EDNRB: variants seen among roughly 807,000 people sequenced by gnomAD.
EDNRB encodes the protein Hirschsprung disease 2.
A neutral mutation model predicts 46.4 loss-of-function variants in EDNRB; 18 were observed. The ratio of observed to expected loss-of-function variants is 0.39; its 90% confidence interval spans 0.27 to 0.57. The LOEUF is 0.57. Among genes scored for constraint, EDNRB ranks in the 20% least tolerant of loss-of-function variants. The probability of loss-of-function intolerance (pLI) is 0.61; values close to 1 mark genes in which losing one functional copy is unlikely to be tolerated. For synonymous variants in EDNRB, 213 were observed against 204.9 expected (o/e 1.04, Z -0.34); for missense variants, 434 against 537.5 (o/e 0.81, Z 1.90).
chr13:77,949,526 AC>A (rs542067553), intron 1 of EDNRB, among the ~76,000 whole-genome samples: 6 of 152,208 alleles, frequency 3.9e-5, no homozygotes, highest in Admixed American at 3.9e-4. Context: ...TCTTCCAAAA[AC>A]TTTTACCCCA....
chr13:77,898,874 C>T (rs1384331999), intron 6 of EDNRB, among the ~76,000 whole-genome samples: 3 of 151,988 alleles, frequency 2.0e-5, no homozygotes, highest in Non-Finnish European at 2.9e-5. Context: ...TAAATATCTT[C>T]TCATGTCAAT....
Position 77,897,771 on chromosome 13 carries a change from G to A in EDNRB, c.*429C>T. On this transcript the variant is annotated 3_prime_UTR_variant, in exon 7 of 7. Transcript: ENST00000646607. ...TTAAAGGATTTTAAAATTTTAAATTGAGTAATTTAAGCTTCATTTAAAAGT... is the reference window on the plus strand; with the variant it reads ...TTAAAGGATTTTAAAATTTTAAATTAAGTAATTTAAGCTTCATTTAAAAGT... The A allele has an allele frequency of 1.0e-6, 1 of 983,244 alleles. No individual in the cohort carries two copies. Among genetic ancestry groups the A allele is most frequent in the Non-Finnish European group, 1.2e-6 (1 of 826,134 alleles). The allele number at this position is 983,244 out of a possible 1,614,324, so 60.9% of individuals were successfully genotyped here.
At position 77,900,063 on chromosome 13, in the gene EDNRB, A is replaced by C. The variant is rs1423667728; in HGVS notation, c.1086-96T>G. On this transcript the variant is annotated intron_variant, in intron 5 of 6. Coordinates refer to ENST00000646607, the MANE Select transcript of EDNRB (RefSeq NM_001122659.3). ...TGCTTTTGTAAGGAAAAAAAATGCC[A>C]ATATACAATGGTTCTAAATTTATCA... 3 of 969,302 alleles carry C rather than the reference A, an allele frequency of 3.1e-6. No homozygotes were observed. The African/African-American group carries it at 4.8e-5, about 16-fold the overall frequency. The allele number at this position is 969,302 out of a possible 1,614,324, so 60.0% of individuals were successfully genotyped here. A position where few individuals can be genotyped will look rare whatever the true frequency, so the allele number is the denominator to read the frequency against.
At chr13:77,926,879 C>T (rs752497870) in intron 1 of EDNRB, among the ~76,000 whole-genome samples, 39 of 152,160 alleles carry the variant, frequency 2.6e-4, no homozygotes, top group Non-Finnish European at 4.0e-4. Flanking sequence ...GGGCAGGAGG[C>T]GAAAGACACT....
At chr13:77,953,424 T>C (rs901199590) in intron 1 of EDNRB, among the ~76,000 whole-genome samples, 1 of 151,846 alleles carries the variant, frequency 6.6e-6, no homozygotes, top group African/African-American at 2.4e-5. Flanking sequence ...AATAAAACAA[T>C]CATTCAGGGA....
At chr13:77,919,006 C>T (rs1879972140), upstream of EDNRB, 1 of 772,476 alleles carries the variant, frequency 1.3e-6, no homozygotes, top group African/African-American at 1.8e-5. Flanking sequence ...AATTAAGGCA[C>T]CTAGAGGCCA....
chr13:77,939,935 G>A (rs1276745972), intron 1 of EDNRB: 1 of 152,040 alleles, frequency 6.6e-6, no homozygotes, highest in Non-Finnish European at 1.5e-5. Context: ...GGTGGAGGTT[G>A]CGGCGAGTCG....
chr13:77,902,266 A>T (rs979226191), intron 3 of EDNRB, among the ~76,000 whole-genome samples: 1 of 151,928 alleles, frequency 6.6e-6, no homozygotes, highest in African/African-American at 2.4e-5. Context: ...TGTGCAGATT[A>T]CGTAGTAGTT....
upstream of EDNRB, among the ~76,000 whole-genome samples, chr13:77,924,386 C>T (rs1270813128): frequency 2.6e-5 from 4 of 152,168 alleles, no homozygotes; most frequent in African/African-American, 9.7e-5. Context: ...AGGCGACTTA[C>T]TTCTTATGAG....
chr13:77,949,737 C>T (rs144732065), intron 1 of EDNRB, among the ~76,000 whole-genome samples: 1 of 152,272 alleles, frequency 6.6e-6, no homozygotes, highest in African/African-American at 2.4e-5. Context: ...ATTGGACCAG[C>T]ATGTTAAAGG....
At chr13:77,902,891 C>T (rs1270820069) in intron 3 of EDNRB, among the ~76,000 whole-genome samples, 2 of 151,942 alleles carry the variant, frequency 1.3e-5, no homozygotes, top group Non-Finnish European at 2.9e-5. Flanking sequence ...AGGTAGAAAG[C>T]TATAAATTCA....
At chr13:77,948,731 TTCC>T (rs1426807332) in intron 1 of EDNRB, among the ~76,000 whole-genome samples, 15 of 152,232 alleles carry the variant, frequency 9.9e-5, no homozygotes, top group African/African-American at 3.6e-4. Context: ...GTTTCTTTTA[TTCC>T]AACTCAAGAC....
upstream of EDNRB, among the ~76,000 whole-genome samples, chr13:77,923,847 A>G (rs1880157059): frequency 6.6e-6 from 1 of 152,086 alleles, no homozygotes; most frequent in African/African-American, 2.4e-5. Flanking sequence ...GGAGAGTCCA[A>G]AAAGGAGAAT....
chr13:77,908,041 A>G (rs73231090), intron 1 of EDNRB, among the ~76,000 whole-genome samples: 120 of 15,872 alleles, frequency 7.6e-3, no homozygotes, highest in Middle Eastern at 0.033. Context: ...AAAAAAAAAA[A>G]AAAGAGAGAG....
In EDNRB at chr13:77,945,901, A is replaced by AAAC. The variant is rs1391892820; in HGVS notation, c.-51-27278_-51-27277insGTT. ...CAAAAAAAAAAAAAAAAACAAAAAA[A>AAAC]ACACACAATCCGAAGAGACAAAGCA... On this transcript the variant is annotated intron_variant, in intron 1 of 7. Transcript: ENST00000646948. Among the ~76,000 whole-genome samples, 35 of 150,814 alleles carry AAAC rather than the reference A, an allele frequency of 2.3e-4. No individual in the cohort carries two copies. In the South Asian group the frequency reaches 4.8e-3, roughly 21 times the overall value.
At chr13:77,964,610 A>G (rs1447804960) in intron 1 of EDNRB, among the ~76,000 whole-genome samples, 1 of 152,184 alleles carries the variant, frequency 6.6e-6, no homozygotes, top group Non-Finnish European at 1.5e-5. Flanking sequence ...GGGGAACATC[A>G]CACACCGGGG....
At chr13:77,951,702 C>T (rs915980677) in intron 1 of EDNRB, among the ~76,000 whole-genome samples, 1 of 152,068 alleles carries the variant, frequency 6.6e-6, no homozygotes, top group Non-Finnish European at 1.5e-5. Flanking sequence ...CTTCTAATCC[C>T]CTAAATTTTA....
chr13:77,909,251 C>G (rs936485728), intron 1 of EDNRB, among the ~76,000 whole-genome samples: 2 of 151,976 alleles, frequency 1.3e-5, no homozygotes, highest in African/African-American at 4.8e-5. Context: ...ATAAATTATT[C>G]TATTACATTA....
chr13:77,898,240 T>C lies in EDNRB; in HGVS notation c.1289A>G (p.Tyr430Cys). The C allele has an allele frequency of 6.2e-7, 1 of 1,612,094 alleles. No homozygotes were observed. The highest frequency in any genetic ancestry group is 8.5e-7 in the Non-Finnish European group (1 of 1,178,788). The part of the protein sequence containing the change: ...CLKFKANDHG[Y>C]DNFRSSNKYS... The stretch of plus-strand genomic sequence containing the variant: ...TTTATTACTGGAACGGAAGTTGTCA[T>C]ATCCGTGATCATTAGCTTTGAACTT... The change falls in exon 7 of 7, where the codon TAT becomes TGT. Residue 430 changes from tyrosine (Y) to cysteine (C), a missense_variant. Physicochemically the swap from Tyr to Cys is radical, Grantham distance 194. Transcript: ENST00000646607.
Sources: gnomAD v4.1 joint callset for allele counts (sites outside exome capture counted in the v4.1 genomes callset) on GRCh38, gnomAD v4.1.1 for gene constraint, MANE v1.5 for transcripts, NCBI Gene and HGNC (gene_info 2026-07-23, HGNC 2026-07-21) for gene names.